KIF13B: variants seen among roughly 807,000 people sequenced by gnomAD.
KIF13B encodes kinesin family member 13B, also known as kinesin-like protein KIF13B.
Under a neutral mutation model 222.0 loss-of-function variants are expected in KIF13B, and 127 were observed. The observed-to-expected ratio is 0.57, with a 90% CI of 0.50 to 0.66. KIF13B has a LOEUF of 0.66. KIF13B is among the 30% of genes least tolerant of loss of function. The pLI is 0.00. For synonymous variants in KIF13B, 976 were observed against 919.0 expected (o/e 1.06, Z -1.12); for missense variants, 2,173 against 2,379.0 (o/e 0.91, Z 1.80).
At chr8:29,256,754 G>T (rs75981652) in intron 1 of KIF13B, among the ~76,000 whole-genome samples, 12 of 98,150 alleles carry the variant, frequency 1.2e-4, no homozygotes, top group Non-Finnish European at 2.4e-4. Context: ...TACTTTTTTT[G>T]TTTGTTTGTT....
At chr8:29,151,160 C>A (rs920213576) in intron 14 of KIF13B, among the ~76,000 whole-genome samples, 2 of 152,152 alleles carry the variant, frequency 1.3e-5, no homozygotes, top group African/African-American at 4.8e-5. Context: ...GAAAATCAAC[C>A]CAGCCACAAT....
chr8:29,082,189 TATTTA>T (rs1264160647), intron 37 of KIF13B, among the ~76,000 whole-genome samples: 1 of 152,238 alleles, frequency 6.6e-6, no homozygotes, highest in East Asian at 1.9e-4. Flanking sequence ...TTTATATTCC[TATTTA>T]ATTTCAGTTA....
intron 11 of KIF13B, 129 bp downstream of exon 11, chr8:29,167,244 C>T: frequency 1.5e-6 from 1 of 652,500 alleles, no homozygotes; most frequent in Middle Eastern, 4.2e-4. Context: ...TCCCAAAGTT[C>T]TCTTGCTGTA....
At chr8:29,241,258 G>A (rs79771152) in intron 2 of KIF13B, among the ~76,000 whole-genome samples, 11,531 of 152,202 alleles carry the variant, frequency 0.076, 607 homozygotes, top group Non-Finnish European at 0.11. Flanking sequence ...CATCTACAGA[G>A]ACAGAAAGTG....
intron 22 of KIF13B, among the ~76,000 whole-genome samples, chr8:29,133,585 T>C (rs1479613950): frequency 2.0e-5 from 3 of 152,252 alleles, no homozygotes; most frequent in South Asian, 2.1e-4. Flanking sequence ...AGCGAGACTC[T>C]GTCTCAAAAC....
intron 1 of KIF13B, chr8:29,249,901 T>C: frequency 1.8e-6 from 1 of 556,150 alleles, no homozygotes; most frequent in Non-Finnish European, 3.0e-6. Context: ...ATGTTTTGTC[T>C]TTAAATCTGC....
At chr8:29,153,359 T>A (rs1221626319) in intron 14 of KIF13B, among the ~76,000 whole-genome samples, 2 of 152,184 alleles carry the variant, frequency 1.3e-5, no homozygotes, top group African/African-American at 4.8e-5. Flanking sequence ...ATTAAAGTCT[T>A]CGGTAACTTC....
At chr8:29,215,937 T>C (rs1332852146) in intron 2 of KIF13B, among the ~76,000 whole-genome samples, 1 of 152,200 alleles carries the variant, frequency 6.6e-6, no homozygotes, top group African/African-American at 2.4e-5. Context: ...ATCTGAAAAT[T>C]TGTTTTGTGT....
At chr8:29,151,980 T>C (rs1440368030) in intron 14 of KIF13B, among the ~76,000 whole-genome samples, 2 of 151,518 alleles carry the variant, frequency 1.3e-5, no homozygotes, top group Non-Finnish European at 3.0e-5. Flanking sequence ...TTAAGAACAT[T>C]TGTTATTCAG....
At position 29,070,776 on chromosome 8, in the gene KIF13B, A is replaced by G. The variant is rs1207157869; in HGVS notation, c.5219-10T>C. 1 of 1,584,974 alleles carries G rather than the reference A, an allele frequency of 6.3e-7. No individual in the cohort carries two copies. Among genetic ancestry groups the G allele is most frequent in the East Asian group, 2.3e-5 (1 of 43,408 alleles). On this transcript the variant is annotated splice_polypyrimidine_tract_variant and intron_variant, in intron 39 of 39. Coordinates refer to ENST00000524189, the MANE Select transcript of KIF13B (RefSeq NM_015254.4). This position sits in a 1 kb window ranked among gnomAD's most constrained non-coding sequence, Gnocchi z 4.1. The stretch of plus-strand genomic sequence containing the variant: ...GAACCGTCATTCTTACCTGCGGGGG[A>G]AGGAGAGGGTGATATGGAGGGCAGC...
At chr8:29,262,864 C>T in intron 1 of KIF13B, 116 bp downstream of exon 1, 4 of 762,530 alleles carry the variant, frequency 5.2e-6, no homozygotes, top group Non-Finnish European at 7.9e-6. Flanking sequence ...CCCCTCCTCG[C>T]GCCCCGCCGC....
chr8:29,072,464 C>G (rs374589260), intron 38 of KIF13B, 148 bp from the exon 39 acceptor site: 2 of 451,002 alleles, frequency 4.4e-6, no homozygotes, highest in East Asian at 3.5e-5. Flanking sequence ...GACGGAAGAT[C>G]GCTTGAGCCC....
chr8:29,086,693 C>T (rs901242800), intron 37 of KIF13B, among the ~76,000 whole-genome samples: 12 of 152,138 alleles, frequency 7.9e-5, no homozygotes, highest in East Asian at 1.9e-4. Context: ...AACCCTTAAG[C>T]GATGTTGACT....
intron 29 of KIF13B, among the ~76,000 whole-genome samples, chr8:29,121,775 C>A (rs1264146403): frequency 6.7e-6 from 1 of 148,482 alleles, no homozygotes; most frequent in Non-Finnish European, 1.5e-5. Flanking sequence ...AGGCAACCTA[C>A]AACATGGGAG....
At chr8:29,263,077 G>T, upstream of KIF13B, 1 of 1,478,186 alleles carries the variant, frequency 6.8e-7, no homozygotes, top group Non-Finnish European at 9.1e-7. Flanking sequence ...GTCTGCCGCG[G>T]CCACCGGCGA....
At chr8:29,125,130 CTTTCTATA>C (rs992585044) in intron 26 of KIF13B, among the ~76,000 whole-genome samples, 6 of 152,164 alleles carry the variant, frequency 3.9e-5, no homozygotes, top group African/African-American at 1.2e-4. Flanking sequence ...GTAACTTCTG[CTTTCTATA>C]TGTCAAAACA....
At chr8:29,125,543 CCTAT>C (rs1487771090) in intron 26 of KIF13B, among the ~76,000 whole-genome samples, 7 of 152,014 alleles carry the variant, frequency 4.6e-5, no homozygotes, top group Non-Finnish European at 1.0e-4. Context: ...TGTATTTAAT[CCTAT>C]CTGATACAGT....
chr8:29,201,041 TG>T (rs1287706203), intron 2 of KIF13B, among the ~76,000 whole-genome samples: 2 of 152,218 alleles, frequency 1.3e-5, no homozygotes, highest in Non-Finnish European at 2.9e-5. Context: ...AAGAATCATG[TG>T]GGGGATAAAC....
intron 32 of KIF13B, 40 bp downstream of exon 32, chr8:29,113,423 A>C: frequency 8.0e-7 from 1 of 1,255,964 alleles, no homozygotes; most frequent in Non-Finnish European, 1.1e-6. Context: ...GCTCTTTTTA[A>C]GTGTTTATTT....
Sources: gnomAD v4.1 joint callset for allele counts (sites outside exome capture counted in the v4.1 genomes callset) on GRCh38, gnomAD v4.1.1 for gene constraint, Gnocchi (gnomAD v3.1) non-coding constraint, MANE v1.5 for transcripts, NCBI Gene and HGNC (gene_info 2026-07-23, HGNC 2026-07-21) for gene names.